Variants in THSD7A observed in about 807,000 individuals in gnomAD.
THSD7A encodes the protein thrombospondin type 1 domain containing 7A, also known as thrombospondin type-1 domain-containing protein 7A.
A neutral mutation model predicts 231.3 loss-of-function variants in THSD7A; 96 were observed. The observed-to-expected ratio is 0.41, with a 90% CI of 0.35 to 0.49. THSD7A has a LOEUF of 0.49. Ranked by LOEUF, THSD7A falls within the 20% of genes least tolerant of loss-of-function variation. The pLI, the probability that THSD7A is intolerant of heterozygous loss-of-function variation, is 0.05. For synonymous variants in THSD7A, 940 were observed against 743.3 expected (o/e 1.26, Z -4.30); for missense variants, 2,290 against 2,070.2 (o/e 1.11, Z -2.06).
intron 1 of THSD7A, among the ~76,000 whole-genome samples, chr7:11,748,977 G>A (rs1782409178): frequency 6.6e-6 from 1 of 151,886 alleles, no homozygotes; most frequent in Non-Finnish European, 1.5e-5. Flanking sequence ...AGCTGAGCGG[G>A]GAGGGGAGCA....
chr7:11,411,158 T>G lies in THSD7A; in HGVS notation c.3798+49A>C. 2 of 1,438,580 alleles carry G rather than the reference T, an allele frequency of 1.4e-6. No homozygotes were observed. The highest frequency in any genetic ancestry group is 1.2e-5 in the South Asian group (1 of 83,584). 89.1% of individuals were successfully genotyped at this position (1,438,580 alleles called of 1,614,324 possible). A position where few individuals can be genotyped will look rare whatever the true frequency, so the allele number is the denominator to read the frequency against. ...TCACTTGGCTCAGCATGAATTGAAA[T>G]TATTAGGGAAGAATTTACTCGCGAA... On this transcript the variant is annotated intron_variant, in intron 19 of 27. Coordinates refer to ENST00000423059, the MANE Select transcript of THSD7A (RefSeq NM_015204.3). The surrounding 1 kb of genome is among the most constrained non-coding windows in gnomAD (Gnocchi z 4.1).
chr7:11,501,215 A>C (rs1172891032), intron 6 of THSD7A, among the ~76,000 whole-genome samples: 1 of 152,182 alleles, frequency 6.6e-6, no homozygotes, highest in Non-Finnish European at 1.5e-5. Flanking sequence ...AGTATTAGAC[A>C]GATCATTGAG....
intron 1 of THSD7A, among the ~76,000 whole-genome samples, chr7:11,672,709 T>C (rs1303461428): frequency 6.6e-6 from 1 of 152,194 alleles, no homozygotes; most frequent in Non-Finnish European, 1.5e-5. Flanking sequence ...AAAAAGTTCT[T>C]ATATACCTCA....
intron 1 of THSD7A, among the ~76,000 whole-genome samples, chr7:11,658,719 G>C (rs1009606389): frequency 6.6e-6 from 1 of 151,646 alleles, no homozygotes; most frequent in Non-Finnish European, 1.5e-5. Flanking sequence ...AAAAATTCCA[G>C]TCTTACGTTA....
chr7:11,672,074 CTT>C (rs1186110964), intron 1 of THSD7A, among the ~76,000 whole-genome samples: 2 of 152,080 alleles, frequency 1.3e-5, no homozygotes, highest in Non-Finnish European at 2.9e-5. Context: ...AAACTTAACT[CTT>C]GTTATAGTTG....
chr7:11,446,903 A>G lies in THSD7A; in HGVS notation c.2800+327T>C, dbSNP rs1784988655. Among the ~76,000 whole-genome samples the G allele has an allele frequency of 1.3e-5, 2 of 152,120 alleles. No homozygotes were observed. The highest frequency in any genetic ancestry group is 1.3e-4 in the Admixed American group (2 of 15,250). On this transcript the variant is annotated intron_variant, in intron 12 of 27. Coordinates refer to ENST00000423059, the MANE Select transcript of THSD7A (RefSeq NM_015204.3). The surrounding 1 kb of genome is among the most constrained non-coding windows in gnomAD (Gnocchi z 4.0). Reference sequence around the variant, plus strand: ...AGGCTCTGACAGTGAGAATGGGTTAACAAAGTAGCAACTTTTTCTCTTGTT... The same window carrying G: ...AGGCTCTGACAGTGAGAATGGGTTAGCAAAGTAGCAACTTTTTCTCTTGTT...
At chr7:11,475,817 A>G (rs1358564899) in intron 7 of THSD7A, among the ~76,000 whole-genome samples, 3 of 151,048 alleles carry the variant, frequency 2.0e-5, no homozygotes, top group Non-Finnish European at 4.4e-5. Context: ...AAAAAATGAC[A>G]TAATTTATTT....
rs1782053948 is a variant in THSD7A, at chr7:11,371,584, C to G, written c.*4210G>C. On this transcript the variant is annotated 3_prime_UTR_variant, in exon 28 of 28. Coordinates refer to ENST00000423059, the MANE Select transcript of THSD7A (RefSeq NM_015204.3). Reference sequence around the variant, plus strand: ...TCTCATGTACTATTGAGACCCACGTCAGCTTTAGAACAGGCTCTCCCTTCT... The same window carrying G: ...TCTCATGTACTATTGAGACCCACGTGAGCTTTAGAACAGGCTCTCCCTTCT... 1 of 152,168 alleles carries G rather than the reference C, an allele frequency of 6.6e-6. No individual in the cohort carries two copies. The highest frequency in any genetic ancestry group is 1.5e-5 in the Non-Finnish European group (1 of 68,042). 9.4% of individuals were successfully genotyped at this position (152,168 alleles called of 1,614,324 possible).
chr7:11,554,670 A>G (rs1464136596), intron 4 of THSD7A, among the ~76,000 whole-genome samples: 3 of 151,938 alleles, frequency 2.0e-5, no homozygotes, highest in Non-Finnish European at 4.4e-5. Flanking sequence ...ATTTTTATAT[A>G]TTGCTGAATT....
At chr7:11,429,795 T>C (rs1194416284) in intron 13 of THSD7A, among the ~76,000 whole-genome samples, 2 of 152,234 alleles carry the variant, frequency 1.3e-5, no homozygotes, top group East Asian at 3.8e-4. Context: ...TGCAGAGCGA[T>C]GACTGACTGA....
intron 23 of THSD7A, among the ~76,000 whole-genome samples, chr7:11,399,606 A>G (rs1328095684): frequency 1.3e-5 from 2 of 152,210 alleles, no homozygotes; most frequent in African/African-American, 2.4e-5. Flanking sequence ...CAAAACCACA[A>G]TGAGATACCA....
Position 11,444,801 on chromosome 7 carries a change from G to GTC in THSD7A, c.3064+1259_3064+1260insGA, listed in dbSNP as rs1180332074. 6.8e-6 allele frequency among the ~76,000 whole-genome samples: 1 copy of GTC among 147,174 alleles called. No individual in the cohort carries two copies. The highest frequency in any genetic ancestry group is 2.6e-5 in the African/African-American group (1 of 39,018). On this transcript the variant is annotated intron_variant, in intron 13 of 27. Coordinates refer to ENST00000423059, the MANE Select transcript of THSD7A (RefSeq NM_015204.3). The surrounding 1 kb of genome is among the most constrained non-coding windows in gnomAD (Gnocchi z 4.2). ...GTCTGCTCTGTGTGTGTGTGTGTGT[G>GTC]TGTGTGTATAAACTATATATATAAT...
chr7:11,469,071 T>G lies in THSD7A; in HGVS notation c.2368+808A>C, dbSNP rs140539284. 2.2e-4 allele frequency among the ~76,000 whole-genome samples: 33 copies of G among 152,240 alleles called. No homozygotes were observed. In the East Asian group the frequency reaches 6.4e-3, roughly 29 times the overall value. ...GTTTGTTAAGCTAGAAGTTGACTCT[T>G]AATTGAATCTCTCTAGTAAGTGTTA... On this transcript the variant is annotated intron_variant, in intron 9 of 27. Transcript: ENST00000423059.
At chr7:11,432,651 A>G (rs1431961540) in intron 13 of THSD7A, among the ~76,000 whole-genome samples, 8 of 152,032 alleles carry the variant, frequency 5.3e-5, no homozygotes, top group Admixed American at 5.2e-4. Flanking sequence ...AATATTGTTT[A>G]TTCTGGTTGA....
At position 11,545,974 on chromosome 7, in the gene THSD7A, C is replaced by T. The variant is rs572914072; in HGVS notation, c.1454-2857G>A. On this transcript the variant is annotated intron_variant, in intron 4 of 27. Coordinates refer to ENST00000423059, the MANE Select transcript of THSD7A (RefSeq NM_015204.3). ...TCTCAGCACCCCCTATCTTCCAGCC[C>T]GTCCCAGGGTAACTGCCTGGCCTTG... Among the ~76,000 whole-genome samples the T allele has an allele frequency of 5.3e-5, 8 of 152,240 alleles. 1 individual carries two copies. In the East Asian group the frequency reaches 1.6e-3, roughly 30 times the overall value.
intron 1 of THSD7A, among the ~76,000 whole-genome samples, chr7:11,676,038 C>G (rs1783624379): frequency 6.6e-6 from 1 of 152,158 alleles, no homozygotes; most frequent in Non-Finnish European, 1.5e-5. Flanking sequence ...CTGGCAGGTG[C>G]CCCTCTAGGA....
At chr7:11,473,768 GAT>G (rs916629749) in intron 8 of THSD7A, among the ~76,000 whole-genome samples, 7 of 152,210 alleles carry the variant, frequency 4.6e-5, no homozygotes, top group African/African-American at 1.7e-4. Context: ...CTGAGAAAAT[GAT>G]AGTTTTTCTA....
chr7:11,759,960 T>A (rs751748218), intron 1 of THSD7A, among the ~76,000 whole-genome samples: 1 of 152,030 alleles, frequency 6.6e-6, no homozygotes, highest in Non-Finnish European at 1.5e-5. Context: ...CCATTGACTG[T>A]ATAAGGAATT....
Position 11,474,273 on chromosome 7 carries a change from C to CA in THSD7A, c.2252+60_2252+61insT, listed in dbSNP as rs1189617958. Reference sequence around the variant, plus strand: ...TTCCATTTCATGAAGCCAGTGAAGCCTGAGCCAATCCTCTGCACAGGTGGC... The same window carrying CA: ...TTCCATTTCATGAAGCCAGTGAAGCCATGAGCCAATCCTCTGCACAGGTGGC... On this transcript the variant is annotated intron_variant, in intron 8 of 27. Transcript: ENST00000423059. The surrounding 1 kb of genome is among the most constrained non-coding windows in gnomAD (Gnocchi z 4.1). The CA allele has an allele frequency of 6.4e-5, 90 of 1,404,684 alleles. No individual in the cohort carries two copies. Among genetic ancestry groups the CA allele is most frequent in the Non-Finnish European group, 8.4e-5 (86 of 1,021,722 alleles). 87.0% of individuals were successfully genotyped at this position (1,404,684 alleles called of 1,614,324 possible). A position where few individuals can be genotyped will look rare whatever the true frequency, so the allele number is the denominator to read the frequency against.
Sources: allele counts gnomAD v4.1 joint callset (sites outside exome capture counted in the v4.1 genomes callset), GRCh38; gene constraint gnomAD v4.1.1; non-coding constraint Gnocchi (gnomAD v3.1); transcripts MANE v1.5; gene names NCBI Gene and HGNC (gene_info 2026-07-23, HGNC 2026-07-21).